The following TNFRSF21 variants were observed in gnomAD, a reference collection of about 807,000 sequenced individuals.
TNFRSF21 encodes the protein tumor necrosis factor receptor superfamily member 21.
A neutral mutation model predicts 45.6 loss-of-function variants in TNFRSF21; 19 were observed. That is an observed-to-expected ratio of 0.42 (90% CI 0.29 to 0.61). TNFRSF21 has a LOEUF of 0.61. TNFRSF21 is among the 20% of genes least tolerant of loss of function. TNFRSF21 has a pLI of 0.23. For missense variants in TNFRSF21, 737 were observed against 851.5 expected (o/e 0.87, Z 1.67); for synonymous variants, 314 against 335.5 (o/e 0.94, Z 0.70).
Position 47,309,534 on chromosome 6 carries a change from G to A in TNFRSF21, c.-23C>T. ...CATGGCTGAACCGGGGACTCGCAGG[G>A]GCGCCCGGGGCGCGCGGGGCAGCTG... On this transcript the variant is annotated 5_prime_UTR_variant, in exon 1 of 6. Coordinates refer to ENST00000296861, the MANE Select transcript of TNFRSF21 (RefSeq NM_014452.5). 3 of 1,406,754 alleles carry A rather than the reference G, an allele frequency of 2.1e-6. No individual in the cohort carries two copies. The highest frequency in any genetic ancestry group is 1.8e-6 in the Non-Finnish European group (2 of 1,088,174). The allele number at this position is 1,406,754 out of a possible 1,614,324, so 87.1% of individuals were successfully genotyped here.
chr6:47,272,582 A>G (rs937495679), intron 3 of TNFRSF21, among the ~76,000 whole-genome samples: 2 of 152,210 alleles, frequency 1.3e-5, no homozygotes, highest in African/African-American at 2.4e-5. Context: ...TAAAATCAAC[A>G]CCCTAACATC....
chr6:47,296,373 A>G (rs1326883552), intron 1 of TNFRSF21, among the ~76,000 whole-genome samples: 1 of 152,192 alleles, frequency 6.6e-6, no homozygotes, highest in Admixed American at 6.5e-5. Flanking sequence ...ACTGTGATAT[A>G]ATAAATATAT....
At chr6:47,304,299 A>C (rs1204287597) in intron 1 of TNFRSF21, among the ~76,000 whole-genome samples, 1 of 152,180 alleles carries the variant, frequency 6.6e-6, no homozygotes, top group Admixed American at 6.5e-5. Context: ...AAAACCAAAA[A>C]AAAAAAAAAG....
intron 4 of TNFRSF21, among the ~76,000 whole-genome samples, chr6:47,248,440 T>C (rs1016165468): frequency 6.6e-6 from 1 of 151,394 alleles, no homozygotes; most frequent in African/African-American, 2.4e-5. Context: ...AAGAGTGCAC[T>C]GGTTAAGTCT....
chr6:47,283,782 G>A (rs1258162795), intron 3 of TNFRSF21, among the ~76,000 whole-genome samples, 156 bp downstream of exon 3: 7 of 152,124 alleles, frequency 4.6e-5, no homozygotes, highest in African/African-American at 9.7e-5. Flanking sequence ...CTAATGAGAC[G>A]GTCAATCTCT....
At chr6:47,249,823 C>T (rs1764875714) in intron 4 of TNFRSF21, among the ~76,000 whole-genome samples, 1 of 151,818 alleles carries the variant, frequency 6.6e-6, no homozygotes, top group Admixed American at 6.6e-5. Flanking sequence ...TGTTGTAATC[C>T]CTTGGGTATC....
At position 47,232,657 on chromosome 6, in the gene TNFRSF21, ACAAAC is replaced by A; in HGVS notation, c.*103_*107del. 1.4e-5 allele frequency: 12 copies of A among 877,564 alleles called. No individual in the cohort carries two copies. The highest frequency in any genetic ancestry group is 1.9e-5 in the Non-Finnish European group (11 of 564,520). 54.4% of individuals were successfully genotyped at this position (877,564 alleles called of 1,614,324 possible). On this transcript the variant is annotated 3_prime_UTR_variant, in exon 6 of 6. Transcript: ENST00000296861. ...CACACACACACACACACACACACAC[ACAAAC>A]ACACACACACACCCCAAACAACAAA...
At chr6:47,241,482 T>G (rs1395946007) in intron 4 of TNFRSF21, among the ~76,000 whole-genome samples, 2 of 43,066 alleles carry the variant, frequency 4.6e-5, no homozygotes, top group Non-Finnish European at 1.8e-4. Context: ...ATGTACCCAA[T>G]TTTTTTTTTG....
At position 47,265,848 on chromosome 6, in the gene TNFRSF21, A is replaced by G. The variant is rs150219440; in HGVS notation, c.1244-12327T>C. Among the ~76,000 whole-genome samples, 11 of 152,280 alleles carry G rather than the reference A, an allele frequency of 7.2e-5. No homozygotes were observed. The East Asian group carries it at 2.1e-3, about 29-fold the overall frequency. ...GCCGGTAGTAGCAAACACCCCATAA[A>G]TTCATTTTAAGCAAAACCAAAGTGT... On this transcript the variant is annotated intron_variant, in intron 3 of 5. Coordinates refer to ENST00000296861, the MANE Select transcript of TNFRSF21 (RefSeq NM_014452.5).
At position 47,251,356 on chromosome 6, in the gene TNFRSF21, A is replaced by G. The variant is rs546790429; in HGVS notation, c.1509+1900T>C. On this transcript the variant is annotated intron_variant, in intron 4 of 5. Transcript: ENST00000296861. ...GCTTTGACATTACTGTTCTCAAAAA[A>G]TAAACAACAAAAAATAGCTACTATT... is the stretch of plus-strand genomic sequence containing the variant. Among the ~76,000 whole-genome samples, 40 of 152,340 alleles carry G rather than the reference A, an allele frequency of 2.6e-4. 1 individual carries two copies. In the South Asian group the frequency reaches 6.8e-3, roughly 26 times the overall value.
intron 1 of TNFRSF21, among the ~76,000 whole-genome samples, chr6:47,299,153 T>G (rs1056118435): frequency 6.6e-6 from 1 of 152,102 alleles, no homozygotes; most frequent in Non-Finnish European, 1.5e-5. Context: ...ATGAAAATAT[T>G]TTCAGACACA....
At chr6:47,307,851 C>A (rs901006634) in intron 1 of TNFRSF21, among the ~76,000 whole-genome samples, 1 of 152,180 alleles carries the variant, frequency 6.6e-6, no homozygotes, top group African/African-American at 2.4e-5. Flanking sequence ...ATATAATAAT[C>A]AGATGTGTTA....
chr6:47,255,745 G>T (rs777633531), intron 3 of TNFRSF21, among the ~76,000 whole-genome samples: 13 of 152,250 alleles, frequency 8.5e-5, no homozygotes, highest in Non-Finnish European at 1.9e-4. Flanking sequence ...TTACAGGCGT[G>T]AGCCACCATG....
rs549394192 is a variant in TNFRSF21 at position 47,232,891 on chromosome 6, C to G, written c.1842G>C (p.Val614=). 1 of 1,614,148 alleles carries G rather than the reference C, an allele frequency of 6.2e-7. No individual in the cohort carries two copies. The highest frequency in any genetic ancestry group is 1.3e-5 in the African/African-American group (1 of 75,020). The change falls in exon 6 of 6, where the codon GTG becomes GTC. Residue 614 remains valine, a synonymous_variant. Coordinates refer to ENST00000296861, the MANE Select transcript of TNFRSF21 (RefSeq NM_014452.5). ...LHFLNPEELR[V]IEEIPQAEDK... ...CCTCAGCCTGGGGAATCTCTTCAAT[C>G]ACCCGCAGCTCCTCAGGATTTAGAA... is the stretch of plus-strand genomic sequence containing the variant.
chr6:47,249,088 G>A (rs184102766), intron 4 of TNFRSF21, among the ~76,000 whole-genome samples: 71 of 152,228 alleles, frequency 4.7e-4, no homozygotes, highest in African/African-American at 1.4e-3. Context: ...TGTTCTAATC[G>A]GAGCCTTACT....
chr6:47,309,349 C>G (rs1312616729), intron 1 of TNFRSF21, 67 bp downstream of exon 1: 28 of 1,482,718 alleles, frequency 1.9e-5, no homozygotes, highest in Non-Finnish European at 2.4e-5. Context: ...GTGACCCGCC[C>G]GGCTCCCGGA....
intron 3 of TNFRSF21, among the ~76,000 whole-genome samples, chr6:47,272,295 C>T (rs560650211): frequency 4.6e-5 from 7 of 152,238 alleles, no homozygotes; most frequent in Non-Finnish European, 7.4e-5. Flanking sequence ...TATAAAAGAA[C>T]AGAAATCACA....
intron 3 of TNFRSF21, among the ~76,000 whole-genome samples, chr6:47,254,304 G>A (rs571325309): frequency 3.2e-4 from 48 of 152,154 alleles, no homozygotes; most frequent in Non-Finnish European, 4.3e-4. Context: ...AGGATGGTAC[G>A]GGAATGTGAG....
intron 1 of TNFRSF21, among the ~76,000 whole-genome samples, chr6:47,298,152 A>C (rs768570363): frequency 7.2e-5 from 11 of 152,238 alleles, no homozygotes; most frequent in Non-Finnish European, 1.5e-4. Context: ...TCCCTGATCT[A>C]GTCCCATGAG....
Sources: allele counts gnomAD v4.1 joint callset (sites outside exome capture counted in the v4.1 genomes callset), GRCh38; gene constraint gnomAD v4.1.1; transcripts MANE v1.5; gene names NCBI Gene and HGNC (gene_info 2026-07-23, HGNC 2026-07-21).